FAM228B: variants seen among roughly 807,000 people sequenced by gnomAD.
FAM228B encodes the protein protein FAM228B.
A neutral mutation model predicts 42.6 loss-of-function variants in FAM228B; 38 were observed. The observed-to-expected ratio is 0.89, with a 90% CI of 0.69 to 1.17. The LOEUF (loss-of-function observed/expected upper bound fraction) is 1.17. Among genes scored for constraint, FAM228B ranks in the 50% most tolerant of loss-of-function variants. The pLI is 0.00. For synonymous variants in FAM228B, 109 were observed against 122.3 expected, an observed-to-expected ratio of 0.89 and a Z score of 0.72; for missense variants, 344 against 367.3, an observed-to-expected ratio of 0.94 and a Z score of 0.52.
chr2:24,136,053 C>CTT (rs5829917), intron 3 of FAM228B, among the ~76,000 whole-genome samples: 4,367 of 35,844 alleles, frequency 0.12, 1,551 homozygotes, highest in South Asian at 0.18. Context: ...GATAACCCTT[C>CTT]TTTTTTTTTT....
At chr2:24,153,593 C>T (rs951100140) in intron 7 of FAM228B, among the ~76,000 whole-genome samples, 1 of 152,296 alleles carries the variant, frequency 6.6e-6, no homozygotes, top group Middle Eastern at 3.4e-3. Context: ...CTTTATTCTT[C>T]ACTCTCCTCC....
At chr2:24,162,561 TC>T (rs770042837) in intron 8 of FAM228B, among the ~76,000 whole-genome samples, 30 of 152,080 alleles carry the variant, frequency 2.0e-4, no homozygotes, top group Non-Finnish European at 3.5e-4. Context: ...ACCCAGAAAT[TC>T]CGCTCCTAGG....
chr2:24,090,642 A>C (rs1665370594), intron 2 of FAM228B, among the ~76,000 whole-genome samples: 1 of 152,114 alleles, frequency 6.6e-6, no homozygotes, highest in Non-Finnish European at 1.5e-5. Flanking sequence ...AATATTGGGA[A>C]GTCTATCAAT....
intron 3 of FAM228B, among the ~76,000 whole-genome samples, chr2:24,114,438 G>T (rs1163272796): frequency 6.6e-6 from 1 of 152,102 alleles, no homozygotes; most frequent in African/African-American, 2.4e-5. Flanking sequence ...AGGGTCAGAT[G>T]TAAGAGGGAC....
chr2:24,111,845 T>TTC, intron 3 of FAM228B, among the ~76,000 whole-genome samples: 1 of 151,020 alleles, frequency 6.6e-6, no homozygotes, highest in South Asian at 2.1e-4. Flanking sequence ...CTGAATTACA[T>TTC]ACAACTCCCA....
At position 24,157,930 on chromosome 2, in the gene FAM228B, C is replaced by T. The variant is rs1667190851; in HGVS notation, c.687-3576C>T. On this transcript the variant is annotated intron_variant, in intron 7 of 10. Transcript: ENST00000615575. ...TGAACTAAGGTCTCTGACTCCACAG[C>T]CTACATTCTAAAACACAGTGCCACA... Among the ~76,000 whole-genome samples, 3 of 152,122 alleles carry T rather than the reference C, an allele frequency of 2.0e-5. No individual in the cohort carries two copies. The South Asian group carries it at 6.2e-4, about 32-fold the overall frequency.
Position 24,099,886 on chromosome 2 carries a change from A to G in FAM228B, c.-121+4657A>G, listed in dbSNP as rs186450949. On this transcript the variant is annotated intron_variant, in intron 3 of 10. Coordinates refer to the FAM228B transcript ENST00000613899. ...TCAAACTATACTACAAGGCTACAGT[A>G]ACCAAAACAGCACGGTACTGGTACC... Among the ~76,000 whole-genome samples, 4 of 152,370 alleles carry G rather than the reference A, an allele frequency of 2.6e-5. No homozygotes were observed. The East Asian group carries it at 7.7e-4, about 29-fold the overall frequency.
chr2:24,127,255 G>A (rs556788388), intron 2 of FAM228B, among the ~76,000 whole-genome samples: 3 of 152,274 alleles, frequency 2.0e-5, no homozygotes, highest in African/African-American at 4.8e-5. Flanking sequence ...AGGTTTGTCC[G>A]TGTCAGAGCA....
chr2:24,092,790 T>C (rs1158505642), intron 2 of FAM228B, among the ~76,000 whole-genome samples: 1 of 152,144 alleles, frequency 6.6e-6, no homozygotes, highest in African/African-American at 2.4e-5. Context: ...GTGAATTCTA[T>C]GCATCCACTT....
At chr2:24,157,466 G>A (rs1184172321) in intron 7 of FAM228B, among the ~76,000 whole-genome samples, 1 of 152,128 alleles carries the variant, frequency 6.6e-6, no homozygotes, top group African/African-American at 2.4e-5. Flanking sequence ...GGCCGGGCAT[G>A]GTGGCTCACA....
At chr2:24,099,144 G>T (rs933102692) in intron 3 of FAM228B, among the ~76,000 whole-genome samples, 1 of 143,654 alleles carries the variant, frequency 7.0e-6, no homozygotes, top group African/African-American at 2.5e-5. Flanking sequence ...AAAATAATAA[G>T]AGCTATTTAT....
intron 3 of FAM228B, among the ~76,000 whole-genome samples, chr2:24,109,164 G>A (rs1665748423): frequency 1.7e-5 from 2 of 114,324 alleles, no homozygotes; most frequent in Non-Finnish European, 1.9e-5. Flanking sequence ...AAAAAAAAGA[G>A]TAATGGCAAA....
At chr2:24,083,276 T>G (rs1465620040) in intron 2 of FAM228B, 8 of 1,291,762 alleles carry the variant, frequency 6.2e-6, no homozygotes, top group Non-Finnish European at 8.5e-6. Flanking sequence ...TGAAGTCAGG[T>G]TTTTGTAAGT....
chr2:24,149,011 G>A (rs906133483), intron 7 of FAM228B, among the ~76,000 whole-genome samples: 13 of 152,164 alleles, frequency 8.5e-5, no homozygotes, highest in Non-Finnish European at 2.9e-5. Flanking sequence ...ATTTCACTTA[G>A]CACAATAACC....
intron 7 of FAM228B, among the ~76,000 whole-genome samples, chr2:24,149,124 G>A (rs913352097): frequency 6.6e-6 from 1 of 152,158 alleles, no homozygotes; most frequent in African/African-American, 2.4e-5. Context: ...CCATTCATCT[G>A]TTGATGGACA....
intron 3 of FAM228B, among the ~76,000 whole-genome samples, chr2:24,099,796 A>AC (rs772486298): frequency 1.3e-5 from 2 of 152,064 alleles, no homozygotes; most frequent in Non-Finnish European, 1.5e-5. Flanking sequence ...CCAAAAAAGA[A>AC]CCCCCCATTA....
At chr2:24,157,107 T>C (rs1667166975) in intron 7 of FAM228B, among the ~76,000 whole-genome samples, 1 of 152,196 alleles carries the variant, frequency 6.6e-6, no homozygotes. Context: ...GAGCAGGCTA[T>C]TTAGTTTCCA....
upstream of FAM228B, among the ~76,000 whole-genome samples, chr2:24,121,606 T>G (rs1279812454): frequency 6.6e-6 from 1 of 152,206 alleles, no homozygotes; most frequent in African/African-American, 2.4e-5. Context: ...TACGGCCCTG[T>G]GCTATAGTTT....
At chr2:24,137,296 G>A (rs866277926) in intron 3 of FAM228B, among the ~76,000 whole-genome samples, 39 of 152,092 alleles carry the variant, frequency 2.6e-4, no homozygotes, top group African/African-American at 8.7e-4. Context: ...ATTCATTTGG[G>A]TAGGAGTGGA....
Sources: gnomAD v4.1 joint callset for allele counts (sites outside exome capture counted in the v4.1 genomes callset) on GRCh38, gnomAD v4.1.1 for gene constraint, MANE v1.5 for transcripts, NCBI Gene and HGNC (gene_info 2026-07-23, HGNC 2026-07-21) for gene names.